Variants in FOXP1 observed in about 807,000 individuals in gnomAD.
FOXP1 encodes forkhead box P1.
Under a neutral mutation model 98.2 loss-of-function variants are expected in FOXP1, and 15 were observed. The ratio of observed to expected loss-of-function variants is 0.15; its 90% CI spans 0.10 to 0.24. FOXP1 has a LOEUF of 0.24. FOXP1 is among the 10% of genes least tolerant of loss of function. The pLI, the probability that FOXP1 is intolerant of heterozygous loss-of-function variation, is 1.00. For synonymous variants in FOXP1, 371 were observed against 314.5 expected, an observed-to-expected ratio of 1.18 and a Z score of -1.90; for missense variants, 633 against 848.5, an observed-to-expected ratio of 0.75 and a Z score of 3.15.
intron 12 of FOXP1, among the ~76,000 whole-genome samples, chr3:71,015,131 G>A (rs1240936915): frequency 6.7e-6 from 1 of 150,128 alleles, no homozygotes; most frequent in Admixed American, 6.6e-5. Flanking sequence ...AGAACTTAAA[G>A]TATAATTTAA....
intron 7 of FOXP1, among the ~76,000 whole-genome samples, chr3:71,092,768 G>A (rs1403808505): frequency 6.6e-6 from 1 of 151,988 alleles, no homozygotes; most frequent in African/African-American, 2.4e-5. Flanking sequence ...AGCTCCCACA[G>A]AGAAAATGGA....
intron 6 of FOXP1, among the ~76,000 whole-genome samples, chr3:71,183,261 A>C (rs1323249565): frequency 6.6e-6 from 1 of 152,102 alleles, no homozygotes; most frequent in East Asian, 1.9e-4. Flanking sequence ...TGGGAGGCCG[A>C]GGCGGGTGGA....
chr3:71,431,626 T>C (rs1013832323), intron 3 of FOXP1, among the ~76,000 whole-genome samples: 12 of 152,216 alleles, frequency 7.9e-5, no homozygotes, highest in African/African-American at 2.4e-4. Flanking sequence ...CATTGCCTGG[T>C]TTGAATACTT....
At chr3:71,171,443 C>A (rs567967002) in intron 6 of FOXP1, among the ~76,000 whole-genome samples, 1 of 152,308 alleles carries the variant, frequency 6.6e-6, no homozygotes, top group South Asian at 2.1e-4. Context: ...CAAATGCAAT[C>A]CCGTAAACAG....
At chr3:71,013,354 G>A (rs1160342304) in intron 12 of FOXP1, among the ~76,000 whole-genome samples, 1 of 152,122 alleles carries the variant, frequency 6.6e-6, no homozygotes, top group Admixed American at 6.5e-5. Context: ...AGCTGCAATT[G>A]GCCAGTAATT....
At chr3:71,025,159 A>G (rs1223498116) in intron 11 of FOXP1, among the ~76,000 whole-genome samples, 4 of 152,226 alleles carry the variant, frequency 2.6e-5, no homozygotes, top group Non-Finnish European at 5.9e-5. Context: ...AGACAAGCCA[A>G]AAATGGAGAA....
intron 5 of FOXP1, among the ~76,000 whole-genome samples, chr3:71,278,821 C>T (rs2071196597): frequency 6.6e-6 from 1 of 151,724 alleles, no homozygotes; most frequent in South Asian, 2.1e-4. Flanking sequence ...AGTAAAATAC[C>T]AATTAAATAA....
At position 70,954,860 on chromosome 3, in the gene FOXP1, C is replaced by A. The variant is rs1018407190; in HGVS notation, c.*4387G>T. The stretch of plus-strand genomic sequence containing the variant: ...ACAGTTGATGTCAAGGAATGAGTTT[C>A]TTTTATGCCTTATCAAAACAAAACA... On this transcript the variant is annotated 3_prime_UTR_variant, in exon 21 of 21. Transcript: ENST00000649528. 1 of 232,472 alleles carries A rather than the reference C, an allele frequency of 4.3e-6. No individual in the cohort carries two copies. Among genetic ancestry groups the A allele is most frequent in the African/African-American group, 2.2e-5 (1 of 45,168 alleles). 14.4% of individuals were successfully genotyped at this position (232,472 alleles called of 1,614,324 possible). A position where few individuals can be genotyped will look rare whatever the true frequency, so the allele number is the denominator to read the frequency against.
rs527649928 is a variant in FOXP1 at position 71,563,729 on chromosome 3, A to G, written c.-298+17820T>C. On this transcript the variant is annotated intron_variant, in intron 2 of 20. Transcript: ENST00000649528. ...TAAACAGGGTGTGAATTCACTTATT[A>G]AAGATATTTTCCTTGCACCCAAGGT... Among the ~76,000 whole-genome samples, 39 of 152,340 alleles carry G rather than the reference A, an allele frequency of 2.6e-4. 1 individual carries two copies. The highest frequency in any genetic ancestry group is 9.4e-4 in the African/African-American group (39 of 41,576).
intron 4 of FOXP1, among the ~76,000 whole-genome samples, chr3:71,344,315 T>C (rs1488663491): frequency 1.3e-5 from 2 of 152,236 alleles, no homozygotes; most frequent in Non-Finnish European, 2.9e-5. Flanking sequence ...TTTTTTTCTA[T>C]CTTTTTTTCT....
intron 11 of FOXP1, among the ~76,000 whole-genome samples, chr3:71,024,869 TC>T: frequency 6.6e-6 from 1 of 152,302 alleles, no homozygotes; most frequent in South Asian, 2.1e-4. Context: ...TAGTTTTTGT[TC>T]CCCCCTTCTT....
chr3:71,158,887 T>C (rs1218980639), intron 6 of FOXP1, among the ~76,000 whole-genome samples: 1 of 151,962 alleles, frequency 6.6e-6, no homozygotes, highest in Non-Finnish European at 1.5e-5. Flanking sequence ...GGGTCATCAC[T>C]TGAGCCCAGG....
chr3:71,112,696 T>C (rs2058041961), intron 6 of FOXP1, 59 bp from the exon 7 acceptor site: 1 of 1,283,412 alleles, frequency 7.8e-7, no homozygotes, highest in Middle Eastern at 1.8e-4. Flanking sequence ...GGACTCTTCA[T>C]AAAAAAGGAT....
At chr3:71,059,593 CTAT>C (rs777528896) in intron 7 of FOXP1, among the ~76,000 whole-genome samples, 13 of 152,096 alleles carry the variant, frequency 8.5e-5, no homozygotes, top group South Asian at 2.1e-4. Flanking sequence ...AACCTAGCAA[CTAT>C]TATTATTATT....
At chr3:70,992,585 C>G (rs753526638) in intron 13 of FOXP1, among the ~76,000 whole-genome samples, 1 of 152,124 alleles carries the variant, frequency 6.6e-6, no homozygotes, top group African/African-American at 2.4e-5. Context: ...CACCAACTAC[C>G]GCATTCAGGT....
intron 5 of FOXP1, among the ~76,000 whole-genome samples, chr3:71,235,778 G>C (rs986827176): frequency 1.3e-5 from 2 of 152,130 alleles, no homozygotes; most frequent in African/African-American, 2.4e-5. Context: ...GTGTTAGCCA[G>C]GATGGTCTCT....
At chr3:71,249,419 T>A (rs966402363) in intron 5 of FOXP1, among the ~76,000 whole-genome samples, 2 of 152,274 alleles carry the variant, frequency 1.3e-5, no homozygotes, top group Non-Finnish European at 2.9e-5. Context: ...TCACTTTACA[T>A]GCATTTCCTC....
At chr3:71,476,592 G>A (rs1428732613) in intron 3 of FOXP1, among the ~76,000 whole-genome samples, 2 of 151,732 alleles carry the variant, frequency 1.3e-5, no homozygotes, top group African/African-American at 4.8e-5. Context: ...CCAGGTTCAA[G>A]CGATTCTCCG....
chr3:71,492,449 T>C (rs2091131234), intron 3 of FOXP1, among the ~76,000 whole-genome samples: 1 of 141,728 alleles, frequency 7.1e-6, no homozygotes, highest in African/African-American at 2.7e-5. Flanking sequence ...AAACTCCGTC[T>C]CCAAAAAAAA....
Sources: allele counts gnomAD v4.1 joint callset (sites outside exome capture counted in the v4.1 genomes callset), GRCh38; gene constraint gnomAD v4.1.1; transcripts MANE v1.5; gene names NCBI Gene and HGNC (gene_info 2026-07-23, HGNC 2026-07-21).